CCSER1: variants seen among roughly 807,000 people sequenced by gnomAD.
CCSER1 encodes the protein serine-rich coiled-coil domain-containing protein 1.
CCSER1 carries 41 observed loss-of-function variants against 82.0 expected under a neutral mutation model. That is an observed-to-expected ratio of 0.50 (90% CI 0.39 to 0.65). The LOEUF (loss-of-function observed/expected upper bound fraction) is 0.65. CCSER1 is among the 30% of genes least tolerant of loss of function. The probability of loss-of-function intolerance (pLI) is 0.00; values close to 1 mark genes in which losing one functional copy is unlikely to be tolerated. For missense variants in CCSER1, 1,119 were observed against 1,064.2 expected (o/e 1.05, Z -0.72); for synonymous variants, 414 against 383.9 (o/e 1.08, Z -0.92).
chr4:90,511,876 TA>T (rs1164691341), intron 5 of CCSER1, among the ~76,000 whole-genome samples: 1 of 151,936 alleles, frequency 6.6e-6, no homozygotes, highest in Non-Finnish European at 1.5e-5. Flanking sequence ...GACAAAGAGG[TA>T]AGCAAATATA....
At chr4:91,444,836 G>C (rs912278267) in intron 10 of CCSER1, among the ~76,000 whole-genome samples, 1 of 152,196 alleles carries the variant, frequency 6.6e-6, no homozygotes, top group Non-Finnish European at 1.5e-5. Flanking sequence ...TGTTGTCCTT[G>C]CTTGCTTTAA....
intron 10 of CCSER1, among the ~76,000 whole-genome samples, chr4:91,491,340 C>T (rs1758531388): frequency 6.6e-6 from 1 of 151,922 alleles, no homozygotes; most frequent in Non-Finnish European, 1.5e-5. Context: ...CAGTAAACCT[C>T]TGTAAAATTA....
At chr4:91,216,788 C>G (rs1181204458) in intron 10 of CCSER1, among the ~76,000 whole-genome samples, 1 of 152,182 alleles carries the variant, frequency 6.6e-6, no homozygotes, top group Non-Finnish European at 1.5e-5. Flanking sequence ...AATTTACCCA[C>G]TTGTCCATTT....
At chr4:91,490,920 AT>A (rs1560712485) in intron 10 of CCSER1, among the ~76,000 whole-genome samples, 9 of 90,632 alleles carry the variant, frequency 9.9e-5, no homozygotes, top group South Asian at 3.5e-4. Flanking sequence ...ATATATATAT[AT>A]ATATATAAAA....
chr4:90,990,116 TTTAA>T (rs1195102530), intron 9 of CCSER1, among the ~76,000 whole-genome samples: 3 of 151,888 alleles, frequency 2.0e-5, no homozygotes, highest in Non-Finnish European at 4.4e-5. Flanking sequence ...TGTTAAATGC[TTTAA>T]TTATTTATTT....
intron 5 of CCSER1, among the ~76,000 whole-genome samples, chr4:90,523,716 G>A (rs1314232837): frequency 6.6e-6 from 1 of 151,884 alleles, no homozygotes; most frequent in Non-Finnish European, 1.5e-5. Flanking sequence ...TTCATCATCT[G>A]GAAAGATGAT....
At chr4:90,932,986 A>AAGAAAGAAAG (rs1730250733) in intron 9 of CCSER1, among the ~76,000 whole-genome samples, 13 of 29,154 alleles carry the variant, frequency 4.5e-4, no homozygotes, top group South Asian at 1.7e-3. Context: ...AAGAAAGAGA[A>AAGAAAGAAAG]AGAAAGAAAG....
intron 10 of CCSER1, among the ~76,000 whole-genome samples, chr4:91,222,168 C>T (rs1737805602): frequency 6.7e-6 from 1 of 150,320 alleles, no homozygotes; most frequent in African/African-American, 2.5e-5. Context: ...ATTTTCAGGG[C>T]TGAATGAAGA....
chr4:91,168,247 C>T lies in CCSER1; in HGVS notation c.2217+82253C>T, dbSNP rs369915714. 5.4e-3 allele frequency among the ~76,000 whole-genome samples: 774 copies of T among 143,052 alleles called. 4 individuals are homozygous for T. The highest frequency in any genetic ancestry group is 8.2e-3 in the Non-Finnish European group (538 of 65,826). 93.8% of individuals were successfully genotyped at this position (143,052 alleles called of 152,430 possible). ...CTGGGAGGTGAGGAGTGCCTCTGCC[C>T]GGCTGCCCATCATCTGGGAAGTGAG... On this transcript the variant is annotated intron_variant, in intron 10 of 10. Coordinates refer to ENST00000509176, the MANE Select transcript of CCSER1 (RefSeq NM_001145065.2).
chr4:90,841,094 T>C (rs1762512098), intron 8 of CCSER1, among the ~76,000 whole-genome samples: 1 of 152,010 alleles, frequency 6.6e-6, no homozygotes, highest in South Asian at 2.1e-4. Flanking sequence ...TAAATGATGC[T>C]TTTCCTGCAC....
At chr4:90,245,423 G>A (rs1010531116) in intron 1 of CCSER1, among the ~76,000 whole-genome samples, 1 of 152,078 alleles carries the variant, frequency 6.6e-6, no homozygotes, top group African/African-American at 2.4e-5. Context: ...CTAAGGTCAT[G>A]GTAGGATCTT....
chr4:90,733,465 T>G (rs1048345931), intron 7 of CCSER1, among the ~76,000 whole-genome samples: 1 of 152,178 alleles, frequency 6.6e-6, no homozygotes. Flanking sequence ...TTTCAAACAT[T>G]TTCTCCCGTT....
intron 10 of CCSER1, among the ~76,000 whole-genome samples, chr4:91,578,440 T>C (rs1763560158): frequency 6.6e-6 from 1 of 152,004 alleles, no homozygotes; most frequent in Admixed American, 6.6e-5. Context: ...GTTAAAATGC[T>C]GAATCTATGT....
At chr4:90,604,601 G>A (rs767073076) in intron 5 of CCSER1, among the ~76,000 whole-genome samples, 8 of 152,194 alleles carry the variant, frequency 5.3e-5, no homozygotes, top group Admixed American at 1.3e-4. Context: ...GCCCGCTTCC[G>A]GGATCCACTA....
chr4:90,387,289 A>G (rs1750211481), intron 3 of CCSER1, among the ~76,000 whole-genome samples: 1 of 152,152 alleles, frequency 6.6e-6, no homozygotes, highest in Admixed American at 6.5e-5. Context: ...CTAAAATATG[A>G]CAAAATAGAA....
At chr4:90,867,410 A>G (rs1439408217) in intron 8 of CCSER1, among the ~76,000 whole-genome samples, 1 of 152,108 alleles carries the variant, frequency 6.6e-6, no homozygotes, top group Non-Finnish European at 1.5e-5. Flanking sequence ...AAATTTCTGG[A>G]TACGTAGTTG....
At chr4:91,291,295 C>A (rs1004751756) in intron 10 of CCSER1, among the ~76,000 whole-genome samples, 14 of 152,008 alleles carry the variant, frequency 9.2e-5, no homozygotes, top group African/African-American at 3.4e-4. Flanking sequence ...CCATTGATAT[C>A]ATGGATTTTG....
chr4:91,357,370 AT>A (rs1460275034), intron 10 of CCSER1, among the ~76,000 whole-genome samples: 1 of 152,100 alleles, frequency 6.6e-6, no homozygotes, highest in Non-Finnish European at 1.5e-5. Context: ...ATCTTTTATA[AT>A]TTTTGTTAAA....
At chr4:90,268,227 T>C (rs1214226487) in intron 1 of CCSER1, among the ~76,000 whole-genome samples, 3 of 152,144 alleles carry the variant, frequency 2.0e-5, no homozygotes, top group Non-Finnish European at 4.4e-5. Flanking sequence ...CTGGTAGTAA[T>C]AAATATGCAG....
Sources: allele counts gnomAD v4.1 joint callset (sites outside exome capture counted in the v4.1 genomes callset), GRCh38; gene constraint gnomAD v4.1.1; transcripts MANE v1.5; gene names NCBI Gene and HGNC (gene_info 2026-07-23, HGNC 2026-07-21).